Variants in ATP13A4 observed in about 807,000 individuals in gnomAD.
The protein encoded by ATP13A4 is ATPase 13A4.
In ATP13A4, 114 loss-of-function variants were observed where a neutral mutation model predicts 142.5. That is an observed-to-expected ratio of 0.80 (90% confidence interval 0.69 to 0.93). ATP13A4 has a LOEUF of 0.93. Ranked by LOEUF, ATP13A4 falls within the 40% of genes least tolerant of loss-of-function variation. The pLI, the probability that ATP13A4 is intolerant of heterozygous loss-of-function variation, is 0.00. For missense variants in ATP13A4, 1,392 were observed against 1,454.0 expected (o/e 0.96, Z 0.69); for synonymous variants, 488 against 514.8 (o/e 0.95, Z 0.70).
intron 8 of ATP13A4, among the ~76,000 whole-genome samples, chr3:193,479,983 T>C (rs989976817): frequency 2.6e-5 from 4 of 152,190 alleles, no homozygotes; most frequent in African/African-American, 9.6e-5. Context: ...AGCCAACTGA[T>C]CTTTGACAAA....
At chr3:193,582,630 C>CATGT (rs200279714) in intron 1 of ATP13A4, among the ~76,000 whole-genome samples, 19 of 79,796 alleles carry the variant, frequency 2.4e-4, no homozygotes, top group African/African-American at 1.0e-3. Context: ...ATGTATATTA[C>CATGT]ATACATTATA....
At chr3:193,486,474 T>G (rs9878242) in intron 7 of ATP13A4, among the ~76,000 whole-genome samples, 1 of 151,920 alleles carries the variant, frequency 6.6e-6, no homozygotes, top group African/African-American at 2.4e-5. Flanking sequence ...TCAAAGGACT[T>G]TCTGTGTAGT....
chr3:193,533,203 G>A (rs1248759454), intron 1 of ATP13A4, among the ~76,000 whole-genome samples: 4 of 152,226 alleles, frequency 2.6e-5, no homozygotes, highest in African/African-American at 9.6e-5. Context: ...TAAATAGCAA[G>A]ACCTCATCTC....
In ATP13A4 at chr3:193,466,019, G is replaced by A; in HGVS notation, c.1272+6C>T. 1 of 1,613,904 alleles carries A rather than the reference G, an allele frequency of 6.2e-7. No homozygotes were observed. Among genetic ancestry groups the A allele is most frequent in the South Asian group, 1.1e-5 (1 of 91,074 alleles). ...TGCATTTAATAAAAGAGCAAAGACAGCTTACCCCACTAAGCACATAGACAC... is the reference window on the plus strand; with the variant it reads ...TGCATTTAATAAAAGAGCAAAGACAACTTACCCCACTAAGCACATAGACAC... On this transcript the variant is annotated splice_donor_region_variant and intron_variant, in intron 11 of 29. Coordinates refer to ENST00000342695, the MANE Select transcript of ATP13A4 (RefSeq NM_032279.4).
In ATP13A4 at chr3:193,467,436, C is replaced by G. The variant is rs750984476; in HGVS notation, c.994G>C (p.Val332Leu). The G allele has an allele frequency of 6.2e-7, 1 of 1,613,984 alleles. No individual in the cohort carries two copies. The highest frequency in any genetic ancestry group is 8.5e-7 in the Non-Finnish European group (1 of 1,180,004). The part of the protein sequence containing the change: ...KTPLPKMDSS[V>L]PWKTQSEADY... ...GCTTCACTCTGTGTTTTCCAGGGCA[C>G]AGAGCTATCCATCTTGGGTAACGGA... Residue 332 changes from valine to leucine, a missense_variant, in exon 10 of 30, where the codon GTG becomes CTG. Physicochemically the swap from Val to Leu is conservative, Grantham distance 32. Coordinates refer to ENST00000342695, the MANE Select transcript of ATP13A4 (RefSeq NM_032279.4).
intron 8 of ATP13A4, among the ~76,000 whole-genome samples, chr3:193,476,894 T>C (rs1200484953): frequency 3.3e-5 from 5 of 152,028 alleles, no homozygotes; most frequent in African/African-American, 4.8e-5. Flanking sequence ...ATATCAAATA[T>C]CACTGATCAC....
In ATP13A4 at chr3:193,502,540, C is replaced by T; in HGVS notation, c.334G>A (p.Asp112Asn). 1 of 1,613,962 alleles carries T rather than the reference C, an allele frequency of 6.2e-7. No homozygotes were observed. Among genetic ancestry groups the T allele is most frequent in the Non-Finnish European group, 8.5e-7 (1 of 1,179,862 alleles). The part of the protein sequence containing the change: ...GLTPDHPLMT[D>N]EEYIINRAIR... ...GCTCTATTTATGATATACTCCTCATCTGTCATGAGAGGGTGGTCAGGAGTG... is the reference window on the plus strand; with the variant it reads ...GCTCTATTTATGATATACTCCTCATTTGTCATGAGAGGGTGGTCAGGAGTG... Residue 112 changes from aspartate (D) to asparagine (N), a missense_variant, in exon 3 of 30, where the codon GAT becomes AAT. Coordinates refer to ENST00000342695, the MANE Select transcript of ATP13A4 (RefSeq NM_032279.4).
intron 1 of ATP13A4, among the ~76,000 whole-genome samples, chr3:193,582,294 G>A (rs905188373): frequency 1.3e-5 from 2 of 149,134 alleles, no homozygotes; most frequent in Admixed American, 6.7e-5. Flanking sequence ...GATTACAGGC[G>A]CACACCACTA....
At chr3:193,496,607 A>G (rs566821038) in intron 3 of ATP13A4, among the ~76,000 whole-genome samples, 1 of 152,204 alleles carries the variant, frequency 6.6e-6, no homozygotes, top group Admixed American at 6.5e-5. Flanking sequence ...CCTGGCCAAC[A>G]TAGCAAAACC....
chr3:193,479,756 A>G (rs1172071627), intron 8 of ATP13A4, among the ~76,000 whole-genome samples: 2 of 152,178 alleles, frequency 1.3e-5, no homozygotes, highest in Non-Finnish European at 2.9e-5. Flanking sequence ...TCACAGAACT[A>G]GAAAAAATAA....
chr3:193,459,724 C>A (rs1236090990), intron 13 of ATP13A4, among the ~76,000 whole-genome samples: 1 of 152,212 alleles, frequency 6.6e-6, no homozygotes, highest in Non-Finnish European at 1.5e-5. Flanking sequence ...CAGGCGTGAG[C>A]CACTGTGCCC....
chr3:193,556,958 G>T (rs149779802), upstream of ATP13A4, among the ~76,000 whole-genome samples: 120 of 152,270 alleles, frequency 7.9e-4, 1 homozygote, highest in East Asian at 0.021. Context: ...CAGTGCTCCT[G>T]GGCAGGTGAG....
chr3:193,472,534 G>T (rs537605453), intron 8 of ATP13A4, among the ~76,000 whole-genome samples: 93 of 152,340 alleles, frequency 6.1e-4, no homozygotes, highest in African/African-American at 2.2e-3. Context: ...GTATGCTGAG[G>T]TTGCTAAGAT....
At position 193,570,839 on chromosome 3, in the gene ATP13A4, A is replaced by G. The variant is rs377125483; in HGVS notation, n.291+10868T>C. On this transcript the variant is annotated intron_variant and non_coding_transcript_variant, in intron 2 of 3. Transcript: ENST00000489140. ...GGACCAAAGGATAATAATATCTCCC[A>G]TGAGGATGGTTGCTAATATTAAATG... Among the ~76,000 whole-genome samples the G allele has an allele frequency of 4.6e-5, 7 of 152,232 alleles. No individual in the cohort carries two copies. In the East Asian group the frequency reaches 1.2e-3, roughly 25 times the overall value.
chr3:193,479,650 CATGG>C (rs1271821541), intron 8 of ATP13A4, among the ~76,000 whole-genome samples: 1 of 152,160 alleles, frequency 6.6e-6, no homozygotes, highest in African/African-American at 2.4e-5. Flanking sequence ...GTCCCATGCT[CATGG>C]ATGGGTAGAA....
At chr3:193,569,960 A>C (rs1724223580) in intron 2 of ATP13A4, among the ~76,000 whole-genome samples, 1 of 152,140 alleles carries the variant, frequency 6.6e-6, no homozygotes, top group South Asian at 2.1e-4. Flanking sequence ...TAAACCTAAA[A>C]CTATTCAAAA....
intron 2 of ATP13A4, among the ~76,000 whole-genome samples, chr3:193,573,292 C>CCT (rs1553862256): frequency 1.9e-5 from 2 of 107,888 alleles, no homozygotes; most frequent in African/African-American, 9.2e-5. Flanking sequence ...TATATATACA[C>CCT]ATATATATAT....
At chr3:193,418,220 G>C (rs553934087) in intron 25 of ATP13A4, among the ~76,000 whole-genome samples, 7 of 143,006 alleles carry the variant, frequency 4.9e-5, no homozygotes, top group African/African-American at 1.0e-4. Context: ...AGGAGGCTGA[G>C]GCAGGAGAAT....
At chr3:193,424,482 C>A (rs1361809110) in intron 25 of ATP13A4, among the ~76,000 whole-genome samples, 1 of 149,440 alleles carries the variant, frequency 6.7e-6, no homozygotes, top group South Asian at 2.1e-4. Context: ...ATAAAATAGA[C>A]ACATAGACCA....
Sources: gnomAD v4.1 joint callset for allele counts (sites outside exome capture counted in the v4.1 genomes callset) on GRCh38, gnomAD v4.1.1 for gene constraint, MANE v1.5 for transcripts, NCBI Gene and HGNC (gene_info 2026-07-23, HGNC 2026-07-21) for gene names.